The following PIK3C2G variants were observed in gnomAD, a reference collection of about 807,000 sequenced individuals.
PIK3C2G encodes phosphatidylinositol-4-phosphate 3-kinase catalytic subunit type 2 gamma.
Under a neutral mutation model 181.1 loss-of-function variants are expected in PIK3C2G, and 168 were observed. The ratio of observed to expected loss-of-function variants is 0.93; its 90% CI spans 0.82 to 1.05. The LOEUF is 1.05. Ranked by LOEUF, PIK3C2G falls within the 50% of genes least tolerant of loss-of-function variation. PIK3C2G has a pLI of 0.00. For missense variants in PIK3C2G, 1,869 were observed against 1,732.8 expected (o/e 1.08, Z -1.40); for synonymous variants, 573 against 592.2 (o/e 0.97, Z 0.47).
intron 15 of PIK3C2G, among the ~76,000 whole-genome samples, chr12:18,397,520 A>G (rs918335463): frequency 4.6e-5 from 7 of 152,038 alleles, no homozygotes; most frequent in Non-Finnish European, 7.4e-5. Context: ...AGAAGATAGT[A>G]TATGAAGAAT....
intron 29 of PIK3C2G, among the ~76,000 whole-genome samples, chr12:18,579,717 T>A (rs903048919): frequency 6.6e-6 from 1 of 152,222 alleles, no homozygotes; most frequent in African/African-American, 2.4e-5. Flanking sequence ...AAGCTTTTTT[T>A]CTTTCAGTGT....
At chr12:18,615,438 T>TAC (rs1948563119) in intron 31 of PIK3C2G, among the ~76,000 whole-genome samples, 1 of 151,430 alleles carries the variant, frequency 6.6e-6, no homozygotes, top group African/African-American at 2.4e-5. Context: ...TATATATATA[T>TAC]ACCTAAAATA....
At chr12:18,253,387 T>A (rs1591760065) in intron 1 of PIK3C2G, among the ~76,000 whole-genome samples, 2 of 152,126 alleles carry the variant, frequency 1.3e-5, no homozygotes, top group Admixed American at 6.5e-5. Context: ...TTAAAAAAAA[T>A]TGGTGCTTAT....
intron 29 of PIK3C2G, among the ~76,000 whole-genome samples, chr12:18,592,628 T>G (rs901156242): frequency 7.2e-5 from 11 of 151,868 alleles, no homozygotes; most frequent in Admixed American, 7.2e-4. Context: ...TTTGTTTGCA[T>G]CAGGGAAGAG....
intron 13 of PIK3C2G, among the ~76,000 whole-genome samples, chr12:18,376,798 T>G (rs1273338153): frequency 6.6e-6 from 1 of 152,132 alleles, no homozygotes; most frequent in African/African-American, 2.4e-5. Flanking sequence ...TGGCAGTGTG[T>G]GGCACATCTT....
intron 30 of PIK3C2G, among the ~76,000 whole-genome samples, chr12:18,596,554 T>C (rs1947375732): frequency 6.6e-6 from 1 of 152,120 alleles, no homozygotes; most frequent in Non-Finnish European, 1.5e-5. Flanking sequence ...TAGTTATTTG[T>C]CAAGGTACAG....
chr12:18,371,063 C>T (rs1391657238), intron 12 of PIK3C2G, 117 bp from the exon 13 acceptor site: 2 of 739,518 alleles, frequency 2.7e-6, no homozygotes, highest in African/African-American at 3.6e-5. Context: ...TTTCAAGAGG[C>T]AGCCTCAATT....
the PIK3C2G span, among the ~76,000 whole-genome samples, chr12:18,717,210 T>C: frequency 1.3e-5 from 2 of 152,114 alleles, no homozygotes; most frequent in Admixed American, 1.3e-4. Context: ...TAAATATAAC[T>C]GCTTTAATAT....
chr12:18,564,688 T>A (rs2136343522), intron 28 of PIK3C2G, among the ~76,000 whole-genome samples: 1 of 152,118 alleles, frequency 6.6e-6, no homozygotes, highest in East Asian at 1.9e-4. Context: ...AGAAGGAACA[T>A]CAAGTTTTAG....
At chr12:18,676,800 G>A in the PIK3C2G span, among the ~76,000 whole-genome samples, 1 of 152,000 alleles carries the variant, frequency 6.6e-6, no homozygotes, top group Non-Finnish European at 1.5e-5. Context: ...AGGTCAGAAG[G>A]GAAAGATTAT....
the PIK3C2G span, chr12:18,684,104 A>T: frequency 5.0e-6 from 8 of 1,608,076 alleles, no homozygotes; most frequent in East Asian, 1.6e-4. Context: ...ATGCTGGTAC[A>T]ATCATCTAAC....
At chr12:18,616,115 C>T (rs1165650311) in intron 31 of PIK3C2G, among the ~76,000 whole-genome samples, 1 of 152,040 alleles carries the variant, frequency 6.6e-6, no homozygotes, top group East Asian at 1.9e-4. Context: ...CCCTGAAGCT[C>T]CTGGGTCACT....
At chr12:18,334,858 T>C (rs1415736794) in intron 8 of PIK3C2G, among the ~76,000 whole-genome samples, 1 of 152,114 alleles carries the variant, frequency 6.6e-6, no homozygotes, top group Non-Finnish European at 1.5e-5. Context: ...CATGTGTGTG[T>C]GCATGCATTT....
chr12:18,429,629 A>G lies in PIK3C2G; in HGVS notation c.2504+5590A>G, dbSNP rs76625973. Among the ~76,000 whole-genome samples, 1,084 of 152,240 alleles carry G rather than the reference A, an allele frequency of 7.1e-3. 14 individuals carry two copies. Among genetic ancestry groups the G allele is most frequent in the African/African-American group, 0.025 (1,048 of 41,540 alleles). ...AGTCCACAGAGTAGCTCAAGACAGC[A>G]ATCATGTCACACTCTTCCATGTACC... On this transcript the variant is annotated intron_variant, in intron 18 of 32. Transcript: ENST00000538779.
At chr12:18,619,437 A>T (rs911404962) in intron 31 of PIK3C2G, among the ~76,000 whole-genome samples, 5 of 152,130 alleles carry the variant, frequency 3.3e-5, no homozygotes, top group Admixed American at 3.3e-4. Context: ...ATCTCATTCT[A>T]ATTTCTTAAG....
At chr12:18,539,060 G>A (rs1011626957) in intron 25 of PIK3C2G, among the ~76,000 whole-genome samples, 1 of 151,872 alleles carries the variant, frequency 6.6e-6, no homozygotes, top group African/African-American at 2.4e-5. Flanking sequence ...CTATCAGCAT[G>A]GGATTTGGAG....
intron 16 of PIK3C2G, among the ~76,000 whole-genome samples, chr12:18,402,070 C>G (rs1592165533): frequency 1.3e-5 from 2 of 152,104 alleles, no homozygotes; most frequent in Admixed American, 6.6e-5. Context: ...AAAACTCATG[C>G]ACGCATGTTT....
chr12:18,542,485 G>A (rs182375151), intron 25 of PIK3C2G, among the ~76,000 whole-genome samples: 13 of 151,950 alleles, frequency 8.6e-5, no homozygotes, highest in Admixed American at 8.5e-4. Flanking sequence ...GGGATTTGAT[G>A]TACAGATTAT....
At chr12:18,254,101 G>T (rs1374808828) in intron 1 of PIK3C2G, among the ~76,000 whole-genome samples, 2 of 151,990 alleles carry the variant, frequency 1.3e-5, no homozygotes, top group Non-Finnish European at 2.9e-5. Flanking sequence ...GAGAATAGAA[G>T]AATATATGTT....
Sources: allele counts gnomAD v4.1 joint callset (sites outside exome capture counted in the v4.1 genomes callset), GRCh38; gene constraint gnomAD v4.1.1; transcripts MANE v1.5; gene names NCBI Gene and HGNC (gene_info 2026-07-23, HGNC 2026-07-21).